The following ANO2 variants were observed in gnomAD, a reference collection of about 807,000 sequenced individuals.
ANO2 encodes anoctamin-2.
In ANO2, 101 loss-of-function variants were observed where a neutral mutation model predicts 124.2. That is an observed-to-expected ratio of 0.81 (90% CI 0.69 to 0.96). The LOEUF (loss-of-function observed/expected upper bound fraction) is 0.96. ANO2 is among the 40% of genes least tolerant of loss of function. ANO2 has a pLI of 0.00. For synonymous variants in ANO2, 486 were observed against 482.5 expected, an observed-to-expected ratio of 1.01 and a Z score of -0.09; for missense variants, 1,293 against 1,274.5, an observed-to-expected ratio of 1.01 and a Z score of -0.22.
At chr12:5,697,733 G>A (rs1265940297) in intron 14 of ANO2, among the ~76,000 whole-genome samples, 1 of 152,204 alleles carries the variant, frequency 6.6e-6, no homozygotes, top group African/African-American at 2.4e-5. Context: ...GACAGCACCT[G>A]GAAAATCGGG....
intron 10 of ANO2, among the ~76,000 whole-genome samples, chr12:5,795,083 C>A (rs1226101466): frequency 6.6e-6 from 1 of 152,158 alleles, no homozygotes; most frequent in Non-Finnish European, 1.5e-5. Flanking sequence ...ATGGATCAAA[C>A]CACACAGTCT....
chr12:5,566,243 A>G (rs1475544670), intron 23 of ANO2, among the ~76,000 whole-genome samples: 2 of 152,168 alleles, frequency 1.3e-5, no homozygotes, highest in Non-Finnish European at 2.9e-5. Flanking sequence ...TTGGGATGGG[A>G]GGGTCATTAA....
At chr12:5,871,936 C>T (rs1209404621) in intron 3 of ANO2, among the ~76,000 whole-genome samples, 2 of 152,176 alleles carry the variant, frequency 1.3e-5, no homozygotes, top group Non-Finnish European at 2.9e-5. Context: ...CACAGGCCTT[C>T]CCACAGCACA....
Position 5,899,916 on chromosome 12 carries a change from T to A in ANO2, c.534+21124A>T, listed in dbSNP as rs140007861. ...GAGGGGGAACACACAGCAGCACAAGTGTCTGTGTTTGTGTTTCAAGCTGCA... is the reference window on the plus strand; with the variant it reads ...GAGGGGGAACACACAGCAGCACAAGAGTCTGTGTTTGTGTTTCAAGCTGCA... On this transcript the variant is annotated intron_variant, in intron 3 of 24. Coordinates refer to ENST00000682330, the MANE Select transcript of ANO2 (RefSeq NM_001364791.2). 7.9e-5 allele frequency among the ~76,000 whole-genome samples: 12 copies of A among 152,220 alleles called. No homozygotes were observed. The East Asian group carries it at 2.3e-3, about 29-fold the overall frequency.
At chr12:5,859,909 G>A (rs1955216220) in intron 3 of ANO2, among the ~76,000 whole-genome samples, 4 of 152,190 alleles carry the variant, frequency 2.6e-5, no homozygotes, top group Admixed American at 2.6e-4. Flanking sequence ...GTAGAGAACT[G>A]AATTCACAAA....
intron 20 of ANO2, among the ~76,000 whole-genome samples, chr12:5,595,395 T>C (rs1943611737): frequency 6.6e-6 from 1 of 152,126 alleles, no homozygotes; most frequent in Non-Finnish European, 1.5e-5. Flanking sequence ...TCTTTTCTTT[T>C]TCCTTTTTGT....
chr12:5,706,851 T>A (rs187314919), intron 14 of ANO2, among the ~76,000 whole-genome samples: 1 of 152,334 alleles, frequency 6.6e-6, no homozygotes, highest in African/African-American at 2.4e-5. Context: ...TTGGGAGTCA[T>A]GGAGGTTAAA....
chr12:5,724,495 G>C (rs529288148), intron 14 of ANO2, among the ~76,000 whole-genome samples: 4 of 152,114 alleles, frequency 2.6e-5, no homozygotes, highest in African/African-American at 7.2e-5. Context: ...CCACCCACGC[G>C]CATGCTCCAA....
chr12:5,723,720 A>G (rs952860822), intron 14 of ANO2, among the ~76,000 whole-genome samples: 13 of 152,372 alleles, frequency 8.5e-5, no homozygotes, highest in Non-Finnish European at 1.3e-4. Context: ...TAAAGTTTAA[A>G]AAATAGTACA....
At chr12:5,656,808 A>T (rs1346883471) in intron 14 of ANO2, among the ~76,000 whole-genome samples, 2 of 152,228 alleles carry the variant, frequency 1.3e-5, no homozygotes, top group African/African-American at 4.8e-5. Context: ...CTCTCTATGT[A>T]AGGAGGCATG....
chr12:5,850,834 A>C (rs1286699732), intron 4 of ANO2, among the ~76,000 whole-genome samples: 1 of 152,228 alleles, frequency 6.6e-6, no homozygotes, highest in Non-Finnish European at 1.5e-5. Flanking sequence ...CTGGGGGACT[A>C]AGAATTGAGA....
At position 5,818,847 on chromosome 12, in the gene ANO2, T is replaced by G. The variant is rs1008651274; in HGVS notation, c.892+8922A>C. Among the ~76,000 whole-genome samples the G allele has an allele frequency of 9.9e-5, 15 of 152,284 alleles. No individual in the cohort carries two copies. The Middle Eastern group carries it at 0.01, about 104-fold the overall frequency. Reference sequence around the variant, plus strand: ...ATATGCAGGGAACCAAGGAACATAATGAAGCGGTTGGTTGCTCCTAAGTTC... The same window carrying G: ...ATATGCAGGGAACCAAGGAACATAAGGAAGCGGTTGGTTGCTCCTAAGTTC... On this transcript the variant is annotated intron_variant, in intron 7 of 24. Transcript: ENST00000682330.
chr12:5,820,667 G>A, intron 7 of ANO2, among the ~76,000 whole-genome samples: 1 of 152,222 alleles, frequency 6.6e-6, no homozygotes, highest in East Asian at 1.9e-4. Context: ...CCTGGAGGGT[G>A]TGCAGAGATT....
intron 20 of ANO2, among the ~76,000 whole-genome samples, chr12:5,590,403 T>G (rs929741158): frequency 6.6e-6 from 1 of 152,172 alleles, no homozygotes; most frequent in African/African-American, 2.4e-5. Context: ...TGAGCAGTGA[T>G]GTTAGATTTC....
chr12:5,691,469 G>A, intron 14 of ANO2, among the ~76,000 whole-genome samples: 2 of 152,136 alleles, frequency 1.3e-5, no homozygotes, highest in East Asian at 3.8e-4. Context: ...CTGCAGCCAG[G>A]GCTGAGATGG....
At chr12:5,926,335 T>C (rs1419872273) in intron 1 of ANO2, among the ~76,000 whole-genome samples, 3 of 152,188 alleles carry the variant, frequency 2.0e-5, no homozygotes, top group Non-Finnish European at 4.4e-5. Context: ...CCCTGCTCCC[T>C]GTCCCTGTTC....
At chr12:5,676,465 A>G (rs1451218732) in intron 14 of ANO2, among the ~76,000 whole-genome samples, 1 of 152,192 alleles carries the variant, frequency 6.6e-6, no homozygotes, top group Non-Finnish European at 1.5e-5. Context: ...AATGTACAGT[A>G]CATCTCGTTT....
At chr12:5,637,410 A>T (rs1451720937) in intron 15 of ANO2, among the ~76,000 whole-genome samples, 2 of 151,844 alleles carry the variant, frequency 1.3e-5, no homozygotes, top group African/African-American at 4.8e-5. Context: ...TAGGGGAAAA[A>T]AAACAATGGC....
intron 15 of ANO2, among the ~76,000 whole-genome samples, chr12:5,640,770 TTGG>T (rs1946326299): frequency 6.6e-6 from 1 of 152,212 alleles, no homozygotes; most frequent in South Asian, 2.1e-4. Flanking sequence ...TTTTACACTG[TTGG>T]TGGGAGCGTG....
Sources: gnomAD v4.1 joint callset for allele counts (sites outside exome capture counted in the v4.1 genomes callset) on GRCh38, gnomAD v4.1.1 for gene constraint, MANE v1.5 for transcripts, NCBI Gene and HGNC (gene_info 2026-07-23, HGNC 2026-07-21) for gene names.